ZMAT5: variants seen among roughly 807,000 people sequenced by gnomAD.
ZMAT5 encodes the protein zinc finger matrin-type protein 5.
In ZMAT5, 23 loss-of-function variants were observed where a neutral mutation model predicts 28.0. That is an observed-to-expected ratio of 0.82 (90% CI 0.59 to 1.16). ZMAT5 has a LOEUF of 1.16. Among genes scored for constraint, ZMAT5 ranks in the 50% most tolerant of loss-of-function variants. The pLI, the probability that ZMAT5 is intolerant of heterozygous loss-of-function variation, is 0.00. For synonymous variants in ZMAT5, 76 were observed against 84.1 expected (o/e 0.90, Z 0.52); for missense variants, 173 against 212.7 (o/e 0.81, Z 1.16).
chr22:29,760,334 C>CT (rs1463725422), intron 1 of ZMAT5, among the ~76,000 whole-genome samples: 1 of 149,890 alleles, frequency 6.7e-6, no homozygotes, highest in Non-Finnish European at 1.5e-5. Context: ...GATTGTGCCA[C>CT]TGCACTCCAG....
chr22:29,739,022 AAAGAG>A (rs890351684), intron 4 of ZMAT5, among the ~76,000 whole-genome samples: 38 of 149,518 alleles, frequency 2.5e-4, no homozygotes, highest in African/African-American at 6.7e-4. Flanking sequence ...AAAAAAAAAA[AAAGAG>A]AGAGAGAGCC....
intron 3 of ZMAT5, 91 bp downstream of exon 3, chr22:29,742,327 G>T (rs981343005): frequency 7.4e-7 from 1 of 1,351,144 alleles, no homozygotes; most frequent in Admixed American, 1.8e-5. Flanking sequence ...ATGGTGGCCC[G>T]GGTCGGGGAA....
intron 1 of ZMAT5, among the ~76,000 whole-genome samples, chr22:29,760,788 A>ACTG (rs2068149860): frequency 6.6e-6 from 1 of 152,200 alleles, no homozygotes; most frequent in African/African-American, 2.4e-5. Context: ...ACCTCAGGTC[A>ACTG]CTGAAGTGGT....
intron 5 of ZMAT5, among the ~76,000 whole-genome samples, chr22:29,737,051 G>A (rs1224689285): frequency 1.4e-5 from 2 of 144,814 alleles, no homozygotes; most frequent in Admixed American, 6.9e-5. Context: ...AGCCGAGTGT[G>A]GTGGCTCATG....
In ZMAT5 at chr22:29,737,004, C is replaced by T. The variant is rs140557471; in HGVS notation, c.383+1326G>A. Reference sequence around the variant, plus strand: ...TTGCACCACTGTACTCCAGCCTGGGCGGTAGAGCAAGAATCCGTCTCAAAA... The same window carrying T: ...TTGCACCACTGTACTCCAGCCTGGGTGGTAGAGCAAGAATCCGTCTCAAAA... On this transcript the variant is annotated intron_variant, in intron 5 of 5. Coordinates refer to ENST00000344318, the MANE Select transcript of ZMAT5 (RefSeq NM_001003692.2). Among the ~76,000 whole-genome samples the T allele has an allele frequency of 3.9e-3, 535 of 136,514 alleles. 3 individuals are homozygous for T. The highest frequency in any genetic ancestry group is 0.014 in the African/African-American group (506 of 34,980). The allele number at this position is 136,514 out of a possible 152,430, so 89.6% of individuals were successfully genotyped here.
intron 4 of ZMAT5, among the ~76,000 whole-genome samples, chr22:29,739,910 C>A (rs1487001697): frequency 6.6e-6 from 1 of 152,206 alleles, no homozygotes; most frequent in Non-Finnish European, 1.5e-5. Flanking sequence ...GTAGGGGGAT[C>A]AGGGCAAAGG....
intron 1 of ZMAT5, among the ~76,000 whole-genome samples, chr22:29,753,252 C>T (rs375731539): frequency 8.5e-5 from 13 of 152,222 alleles, no homozygotes; most frequent in African/African-American, 1.9e-4. Context: ...TCAGGCCAGG[C>T]GTGGTGGCTC....
chr22:29,734,761 C>G (rs1179559212), intron 5 of ZMAT5, among the ~76,000 whole-genome samples: 1 of 152,230 alleles, frequency 6.6e-6, no homozygotes, highest in Non-Finnish European at 1.5e-5. Flanking sequence ...GACCACCAGT[C>G]AGGCCAGAGG....
chr22:29,740,758 T>G, intron 3 of ZMAT5, 28 bp from the exon 4 acceptor site: 1 of 1,569,858 alleles, frequency 6.4e-7, no homozygotes, highest in Middle Eastern at 1.7e-4. Context: ...AGTTACTCGC[T>G]GCTCGGGAGG....
At chr22:29,740,383 G>A (rs1009509049) in intron 4 of ZMAT5, among the ~76,000 whole-genome samples, 2 of 152,108 alleles carry the variant, frequency 1.3e-5, no homozygotes, top group African/African-American at 4.8e-5. Context: ...CAGGGTCCAG[G>A]TGGGGCTGAG....
At chr22:29,755,334 A>AGGGAGGGAGG (rs2068089479) in intron 1 of ZMAT5, among the ~76,000 whole-genome samples, 1 of 19,708 alleles carries the variant, frequency 5.1e-5, no homozygotes, top group African/African-American at 1.8e-4. Flanking sequence ...AAGGAGAGAG[A>AGGGAGGGAGG]GAGAGAGGGA....
chr22:29,742,533 G>C, intron 2 of ZMAT5, 53 bp from the exon 3 acceptor site: 3 of 1,578,694 alleles, frequency 1.9e-6, no homozygotes, highest in Non-Finnish European at 2.6e-6. Flanking sequence ...CACCAAAGGA[G>C]GCAGGAAGTG....
chr22:29,762,725 A>G (rs1357585681), intron 1 of ZMAT5, among the ~76,000 whole-genome samples: 1 of 152,232 alleles, frequency 6.6e-6, no homozygotes, highest in Non-Finnish European at 1.5e-5. Context: ...TTACAATGTA[A>G]TAACAGAAAT....
intron 2 of ZMAT5, chr22:29,748,035 C>T (rs2068024367): frequency 9.5e-6 from 3 of 314,144 alleles, no homozygotes; most frequent in South Asian, 8.5e-5. Flanking sequence ...TGAGCCCTAC[C>T]ATTCTCCCCT....
intron 5 of ZMAT5, 191 bp from the exon 6 acceptor site, chr22:29,731,545 A>G (rs2067844381): frequency 1.6e-6 from 1 of 633,094 alleles, no homozygotes. Context: ...AACTGAGCCC[A>G]AGGAAATAGC....
At chr22:29,743,976 C>T (rs1295535703) in intron 2 of ZMAT5, among the ~76,000 whole-genome samples, 1 of 152,182 alleles carries the variant, frequency 6.6e-6, no homozygotes, top group African/African-American at 2.4e-5. Context: ...CAAATCCTAA[C>T]AACATATGAC....
intron 1 of ZMAT5, among the ~76,000 whole-genome samples, chr22:29,754,849 TG>T (rs537305066): frequency 9.2e-4 from 140 of 152,294 alleles, no homozygotes; most frequent in African/African-American, 3.3e-3. Context: ...CACTCCAGCC[TG>T]GGTGACAGAG....
At chr22:29,742,311 C>T in intron 3 of ZMAT5, 107 bp downstream of exon 3, 2 of 1,152,830 alleles carry the variant, frequency 1.7e-6, no homozygotes, top group South Asian at 2.6e-5. Flanking sequence ...GCAAAGTGGG[C>T]TTGGGATGGT....
At chr22:29,757,057 A>C (rs1234308640) in intron 1 of ZMAT5, among the ~76,000 whole-genome samples, 1 of 151,790 alleles carries the variant, frequency 6.6e-6, no homozygotes, top group African/African-American at 2.4e-5. Context: ...TATATTTTTT[A>C]ATTAAAAAAT....
Sources: allele counts gnomAD v4.1 joint callset (sites outside exome capture counted in the v4.1 genomes callset), GRCh38; gene constraint gnomAD v4.1.1; transcripts MANE v1.5; gene names NCBI Gene and HGNC (gene_info 2026-07-23, HGNC 2026-07-21).